Variants in PAX5 observed in about 807,000 individuals in gnomAD.
PAX5 encodes paired box 5.
A neutral mutation model predicts 43.7 loss-of-function variants in PAX5; 9 were observed. That is an observed-to-expected ratio of 0.21 (90% CI 0.12 to 0.36). The LOEUF (loss-of-function observed/expected upper bound fraction) is 0.36. PAX5 is among the 10% of genes least tolerant of loss of function. The probability of loss-of-function intolerance (pLI) is 1.00; values close to 1 mark genes in which losing one functional copy is unlikely to be tolerated. For missense variants in PAX5, 383 were observed against 532.7 expected, an observed-to-expected ratio of 0.72 and a Z score of 2.77; for synonymous variants, 228 against 214.3, an observed-to-expected ratio of 1.06 and a Z score of -0.56.
chr9:36,926,272 G>T (rs557973548), intron 6 of PAX5, among the ~76,000 whole-genome samples: 4 of 152,108 alleles, frequency 2.6e-5, no homozygotes, highest in East Asian at 3.9e-4. Flanking sequence ...AAATCAACTT[G>T]CTGGTCCCAA....
chr9:36,966,569 C>T lies in PAX5; in HGVS notation c.760G>A (p.Glu254Lys). 1 of 1,614,098 alleles carries T rather than the reference C, an allele frequency of 6.2e-7. No individual in the cohort carries two copies. Residue 254 changes from glutamate (E) to lysine (K), a missense_variant, in exon 6 of 10, where the codon GAG (glutamate) becomes AAG (lysine). Physicochemically the swap from Glu to Lys is moderately conservative, Grantham distance 56. Transcript: ENST00000358127. ...QHYSDIFTTT[E>K]PIKPEQTTEY... ...CGTACCTGCTCGGGCTTGATGGGCT[C>T]TGTGGTGGTGAAGATGTCTGAGTAG...
intron 8 of PAX5, among the ~76,000 whole-genome samples, chr9:36,871,342 G>T (rs939969729): frequency 1.3e-5 from 2 of 151,914 alleles, no homozygotes; most frequent in African/African-American, 4.9e-5. Flanking sequence ...GGATAAGAAG[G>T]CCTAAGGTTC....
rs991347089 is a variant in PAX5, at chr9:36,850,445, A to G, written c.1013-3516T>C. ...AGGAAGGACATTCTTGGGGAAGGAAATGAAAGCCCCTGCTTCTGTCTTTTG... is the reference window on the plus strand; with the variant it reads ...AGGAAGGACATTCTTGGGGAAGGAAGTGAAAGCCCCTGCTTCTGTCTTTTG... On this transcript the variant is annotated intron_variant, in intron 8 of 9. Coordinates refer to ENST00000358127, the MANE Select transcript of PAX5 (RefSeq NM_016734.3). 2.0e-5 allele frequency among the ~76,000 whole-genome samples: 3 copies of G among 152,192 alleles called. No individual in the cohort carries two copies. In the Middle Eastern group the frequency reaches 9.5e-3, roughly 482 times the overall value.
intron 8 of PAX5, among the ~76,000 whole-genome samples, chr9:36,848,389 C>T (rs3861000): frequency 0.88 from 132,781 of 150,348 alleles, 61,079 homozygotes; most frequent in East Asian, 1. Context: ...CACATGCTCG[C>T]GCTCCTCCTC....
chr9:36,975,582 C>T (rs897636182), intron 5 of PAX5, among the ~76,000 whole-genome samples: 6 of 152,098 alleles, frequency 3.9e-5, no homozygotes, highest in East Asian at 1.9e-4. Flanking sequence ...AGACGGGGTT[C>T]CACCGTGTTA....
intron 5 of PAX5, among the ~76,000 whole-genome samples, chr9:36,973,812 C>T (rs1162560974): frequency 6.6e-6 from 1 of 152,172 alleles, no homozygotes; most frequent in African/African-American, 2.4e-5. Context: ...TCAAGACCAG[C>T]CTGGCCAATA....
intron 7 of PAX5, chr9:36,923,089 G>T (rs1830309131): frequency 2.5e-6 from 1 of 404,530 alleles, no homozygotes; most frequent in African/African-American, 2.0e-5. Context: ...CTGGCATGAG[G>T]TTTCCTGCCC....
At position 36,999,477 on chromosome 9, in the gene PAX5, C is replaced by T. The variant is rs538188061; in HGVS notation, c.604+3171G>A. On this transcript the variant is annotated intron_variant, in intron 5 of 9. Transcript: ENST00000358127. Reference sequence around the variant, plus strand: ...GTTGGATCCTATCACCCGTTCACCTCTGCAAGATCTGGGCAGGAGGGTGGC... The same window carrying T: ...GTTGGATCCTATCACCCGTTCACCTTTGCAAGATCTGGGCAGGAGGGTGGC... 2.2e-4 allele frequency among the ~76,000 whole-genome samples: 34 copies of T among 152,354 alleles called. 1 individual carries two copies. The South Asian group carries it at 6.8e-3, about 31-fold the overall frequency.
chr9:36,904,351 A>C (rs546041647), intron 7 of PAX5, among the ~76,000 whole-genome samples: 1 of 152,344 alleles, frequency 6.6e-6, no homozygotes, highest in Admixed American at 6.5e-5. Context: ...TAACATGGGC[A>C]TGTGACCCCA....
intron 1 of PAX5, among the ~76,000 whole-genome samples, chr9:37,026,291 GAAAGGCTGCAGCTCGCTGCCCAAGC>G (rs1840354599): frequency 6.6e-6 from 1 of 152,250 alleles, no homozygotes; most frequent in Admixed American, 6.5e-5. Context: ...CCGGAGCCTT[GAAAGGCTGCAGCTCGCTGCCCAAGC>G]TACGCGTTGC....
chr9:36,851,120 G>A (rs753342324), intron 8 of PAX5, among the ~76,000 whole-genome samples: 22 of 152,192 alleles, frequency 1.4e-4, no homozygotes, highest in Non-Finnish European at 2.8e-4. Flanking sequence ...CTTGAATATG[G>A]GCAAAATAAA....
intron 7 of PAX5, among the ~76,000 whole-genome samples, chr9:36,917,219 C>T (rs1829795649): frequency 6.6e-6 from 1 of 152,098 alleles, no homozygotes. Flanking sequence ...CCTGCTTGGG[C>T]CTAACAAAGA....
intron 7 of PAX5, among the ~76,000 whole-genome samples, chr9:36,890,501 T>G (rs1470448527): frequency 6.6e-6 from 1 of 152,184 alleles, no homozygotes; most frequent in African/African-American, 2.4e-5. Flanking sequence ...CAACACGGAT[T>G]GCTGTGTGAC....
intron 5 of PAX5, among the ~76,000 whole-genome samples, chr9:36,987,564 G>A (rs1387224278): frequency 6.6e-6 from 1 of 152,212 alleles, no homozygotes; most frequent in Non-Finnish European, 1.5e-5. Context: ...CACCAGCAAG[G>A]GAGTGCCAAG....
chr9:36,856,869 A>G lies in PAX5; in HGVS notation c.1013-9940T>C, dbSNP rs145270392. ...TAGGAAGGCTCTAGGTTTTGTCCTT[A>G]GCACCTTTTCTCTGCATCCATTTGG... On this transcript the variant is annotated intron_variant, in intron 8 of 9. Transcript: ENST00000358127. Among the ~76,000 whole-genome samples the G allele has an allele frequency of 4.0e-3, 614 of 152,332 alleles. 5 individuals are homozygous for G. Among genetic ancestry groups the G allele is most frequent in the African/African-American group, 0.014 (591 of 41,560 alleles).
chr9:36,890,182 C>T (rs1827257685), intron 7 of PAX5, among the ~76,000 whole-genome samples: 1 of 152,058 alleles, frequency 6.6e-6, no homozygotes. Flanking sequence ...CAAACTCCCC[C>T]TCCATCTACC....
intron 7 of PAX5, among the ~76,000 whole-genome samples, chr9:36,884,986 CT>C (rs1483840654): frequency 6.6e-6 from 1 of 152,230 alleles, no homozygotes; most frequent in African/African-American, 2.4e-5. Flanking sequence ...GCTCCTTTGC[CT>C]TGTCCACGGC....
intron 7 of PAX5, among the ~76,000 whole-genome samples, chr9:36,886,535 TG>T (rs1301275924): frequency 1.3e-5 from 2 of 152,194 alleles, no homozygotes; most frequent in African/African-American, 4.8e-5. Flanking sequence ...TCGCCAGGGT[TG>T]GGGTTTACAA....
intron 4 of PAX5, among the ~76,000 whole-genome samples, chr9:37,004,851 T>C (rs1407429425): frequency 6.6e-6 from 1 of 152,222 alleles, no homozygotes; most frequent in Non-Finnish European, 1.5e-5. Context: ...ATTCCACTTT[T>C]GGCCCCACCA....
Sources: allele counts gnomAD v4.1 joint callset (sites outside exome capture counted in the v4.1 genomes callset), GRCh38; gene constraint gnomAD v4.1.1; transcripts MANE v1.5; gene names NCBI Gene and HGNC (gene_info 2026-07-23, HGNC 2026-07-21).